The following CCDC60 variants were observed in gnomAD, a reference collection of about 807,000 sequenced individuals.
CCDC60 encodes coiled-coil domain-containing protein 60.
A neutral mutation model predicts 63.5 loss-of-function variants in CCDC60; 54 were observed. The observed-to-expected ratio is 0.85, with a 90% confidence interval of 0.68 to 1.07. The LOEUF is 1.07. Among genes scored for constraint, CCDC60 ranks in the 50% least tolerant of loss-of-function variants. The pLI is 0.00. For synonymous variants in CCDC60, 206 were observed against 238.8 expected (o/e 0.86, Z 1.27); for missense variants, 651 against 684.3 (o/e 0.95, Z 0.54).
chr12:119,464,831 CA>C (rs764431990), intron 2 of CCDC60, among the ~76,000 whole-genome samples: 1 of 152,198 alleles, frequency 6.6e-6, no homozygotes, highest in Non-Finnish European at 1.5e-5. Context: ...CCAACTCTGG[CA>C]AAATATTACA....
At chr12:119,540,437 G>A (rs1206101075) in intron 13 of CCDC60, among the ~76,000 whole-genome samples, 177 bp from the exon 14 acceptor site, 4 of 152,272 alleles carry the variant, frequency 2.6e-5, no homozygotes, top group African/African-American at 9.6e-5. Flanking sequence ...CTGGAAAGGG[G>A]TCCTCTTCAC....
rs772252087 is a variant in CCDC60 at position 119,387,032 on chromosome 12, T to TCACACA, written c.91-41650_91-41649insACACAC. Among the ~76,000 whole-genome samples, 43 of 120,262 alleles carry TCACACA rather than the reference T, an allele frequency of 3.6e-4. No homozygotes were observed. In the East Asian group the frequency reaches 0.011, roughly 31 times the overall value. The allele number at this position is 120,262 out of a possible 152,430, so 78.9% of individuals were successfully genotyped here. ...CTCTCCCTCCCTCCCCCTCTGTCTC[T>TCACACA]CTCACACACACACACACACACACAC... On this transcript the variant is annotated intron_variant, in intron 1 of 13. Transcript: ENST00000327554.
intron 1 of CCDC60, among the ~76,000 whole-genome samples, chr12:119,363,397 C>A (rs1248297338): frequency 2.0e-5 from 3 of 149,302 alleles, no homozygotes; most frequent in Non-Finnish European, 4.4e-5. Flanking sequence ...TGTAAGAGTT[C>A]TTTATATAGT....
intron 5 of CCDC60, 52 bp downstream of exon 5, chr12:119,488,918 G>A (rs754998961): frequency 7.1e-7 from 1 of 1,416,176 alleles, no homozygotes. Flanking sequence ...CTGGGCAGTG[G>A]GGAAGAGATT....
intron 5 of CCDC60, among the ~76,000 whole-genome samples, chr12:119,490,615 A>G (rs1166478872): frequency 6.6e-6 from 1 of 151,632 alleles, no homozygotes; most frequent in Non-Finnish European, 1.5e-5. Context: ...CCCAGGCTAG[A>G]GTACAGTGTC....
At chr12:119,361,903 C>T (rs1020929238) in intron 1 of CCDC60, among the ~76,000 whole-genome samples, 5 of 152,142 alleles carry the variant, frequency 3.3e-5, no homozygotes, top group African/African-American at 1.2e-4. Flanking sequence ...GGCCATTGTG[C>T]ATAGTTTAAT....
chr12:119,486,097 T>C (rs1951435070), intron 4 of CCDC60, among the ~76,000 whole-genome samples: 1 of 152,212 alleles, frequency 6.6e-6, no homozygotes, highest in African/African-American at 2.4e-5. Context: ...GAGGGTATAG[T>C]GAGGTGCTCA....
At chr12:119,391,255 G>A (rs1956152952) in intron 1 of CCDC60, among the ~76,000 whole-genome samples, 1 of 152,198 alleles carries the variant, frequency 6.6e-6, no homozygotes, top group South Asian at 2.1e-4. Context: ...TTCCAAGTAT[G>A]TGTCTATGTG....
At chr12:119,426,351 AT>A (rs200493410) in intron 1 of CCDC60, among the ~76,000 whole-genome samples, 14 of 83,454 alleles carry the variant, frequency 1.7e-4, no homozygotes, top group African/African-American at 6.8e-4. Context: ...ATTTTTATTT[AT>A]TTTTGTTTTG....
intron 1 of CCDC60, among the ~76,000 whole-genome samples, chr12:119,360,545 G>A (rs542039507): frequency 1.2e-4 from 18 of 151,500 alleles, no homozygotes; most frequent in Admixed American, 2.6e-4. Context: ...CGGGGCGGCC[G>A]GGCGGAGACG....
At chr12:119,476,489 T>G (rs1256023450) in intron 3 of CCDC60, among the ~76,000 whole-genome samples, 1 of 152,194 alleles carries the variant, frequency 6.6e-6, no homozygotes, top group Non-Finnish European at 1.5e-5. Flanking sequence ...GTCCTAATTT[T>G]TGTTAACTCT....
chr12:119,437,432 G>GAT (rs918578601), intron 2 of CCDC60, among the ~76,000 whole-genome samples: 14 of 152,254 alleles, frequency 9.2e-5, no homozygotes, highest in African/African-American at 3.4e-4. Context: ...GGTTACATGG[G>GAT]ATTTAATTTC....
intron 12 of CCDC60, among the ~76,000 whole-genome samples, chr12:119,530,477 C>T (rs796486019): frequency 1.6e-4 from 24 of 152,206 alleles, no homozygotes; most frequent in African/African-American, 5.1e-4. Flanking sequence ...CACACACCGT[C>T]GTGTGTGAGA....
At chr12:119,454,841 T>C (rs983829496) in intron 2 of CCDC60, among the ~76,000 whole-genome samples, 1 of 152,210 alleles carries the variant, frequency 6.6e-6, no homozygotes, top group Non-Finnish European at 1.5e-5. Context: ...TATGGCAGCT[T>C]CCTGGTCATC....
intron 2 of CCDC60, 70 bp from the exon 3 acceptor site, chr12:119,471,924 C>T: frequency 7.7e-7 from 1 of 1,293,336 alleles, no homozygotes; most frequent in South Asian, 1.4e-5. Flanking sequence ...TTCTCTCCTT[C>T]TCTTTCCTTC....
chr12:119,392,548 C>T (rs905215655), intron 1 of CCDC60, among the ~76,000 whole-genome samples: 10 of 152,200 alleles, frequency 6.6e-5, no homozygotes, highest in African/African-American at 2.4e-4. Context: ...AGTTCTTACC[C>T]AACGCAGGGT....
rs138039842 is a variant in CCDC60 at position 119,433,508 on chromosome 12, T to A, written c.170+4746T>A. 600 of 702,274 alleles carry A rather than the reference T, an allele frequency of 8.5e-4. No individual in the cohort carries two copies. In the African/African-American group the frequency reaches 8.8e-3, roughly 10 times the overall value. The allele number at this position is 702,274 out of a possible 1,614,324, so 43.5% of individuals were successfully genotyped here. A position where few individuals can be genotyped will look rare whatever the true frequency, so the allele number is the denominator to read the frequency against. On this transcript the variant is annotated intron_variant, in intron 2 of 13. Coordinates refer to ENST00000327554, the MANE Select transcript of CCDC60 (RefSeq NM_178499.5). Reference sequence around the variant, plus strand: ...GCCACACTTCTGGATCCCACCAACATTAAGGAAGGAATCAGGATTCCCCTT... The same window carrying A: ...GCCACACTTCTGGATCCCACCAACAATAAGGAAGGAATCAGGATTCCCCTT...
chr12:119,438,707 A>G (rs542843800), intron 2 of CCDC60, among the ~76,000 whole-genome samples: 17 of 152,228 alleles, frequency 1.1e-4, no homozygotes, highest in Non-Finnish European at 2.2e-4. Context: ...TCTTGAAAGT[A>G]TCTGAAAATA....
At chr12:119,369,945 G>T (rs926010064) in intron 1 of CCDC60, among the ~76,000 whole-genome samples, 1 of 152,100 alleles carries the variant, frequency 6.6e-6, no homozygotes, top group Non-Finnish European at 1.5e-5. Context: ...TAAAATCAGG[G>T]ATTTCAAATG....
Sources: allele counts gnomAD v4.1 joint callset (sites outside exome capture counted in the v4.1 genomes callset), GRCh38; gene constraint gnomAD v4.1.1; transcripts MANE v1.5; gene names NCBI Gene and HGNC (gene_info 2026-07-23, HGNC 2026-07-21).